Variants in PREX1 observed in about 807,000 individuals in gnomAD.
PREX1 encodes the protein phosphatidylinositol 3,4,5-trisphosphate-dependent Rac exchanger 1 protein.
A neutral mutation model predicts 198.3 loss-of-function variants in PREX1; 41 were observed. The ratio of observed to expected loss-of-function variants is 0.21; its 90% CI spans 0.16 to 0.27. PREX1 has a LOEUF of 0.27. Among genes scored for constraint, PREX1 ranks in the 10% least tolerant of loss-of-function variants. The pLI is 1.00. For missense variants in PREX1, 1,620 were observed against 2,200.7 expected (o/e 0.74, Z 5.28); for synonymous variants, 843 against 887.2 (o/e 0.95, Z 0.89).
intron 7 of PREX1, among the ~76,000 whole-genome samples, chr20:48,693,711 G>A (rs548898626): frequency 6.6e-6 from 1 of 151,474 alleles, no homozygotes; most frequent in African/African-American, 2.4e-5. Flanking sequence ...GGTTACAAGC[G>A]ATTCTCCTGC....
At chr20:48,844,003 G>A in the PREX1 span, among the ~76,000 whole-genome samples, 6 of 151,960 alleles carry the variant, frequency 3.9e-5, no homozygotes, top group Admixed American at 2.6e-4. Context: ...AGCCAGGCAT[G>A]GTGGCATGCA....
At chr20:48,779,138 C>T (rs1007166122) in intron 1 of PREX1, among the ~76,000 whole-genome samples, 19 of 151,918 alleles carry the variant, frequency 1.3e-4, no homozygotes, top group Non-Finnish European at 2.8e-4. Context: ...AGAATACAAC[C>T]CTAAATTAAC....
intron 3 of PREX1, among the ~76,000 whole-genome samples, chr20:48,738,303 G>A (rs1474181354): frequency 6.6e-6 from 1 of 152,174 alleles, no homozygotes; most frequent in African/African-American, 2.4e-5. Flanking sequence ...GCTCACCACT[G>A]GTTTGTCATT....
the PREX1 span, among the ~76,000 whole-genome samples, chr20:48,853,722 T>TCAAAA: frequency 6.6e-6 from 1 of 152,076 alleles, no homozygotes; most frequent in Admixed American, 6.6e-5. Flanking sequence ...TTAAGGACAG[T>TCAAAA]CAATACAGTG....
intron 1 of PREX1, among the ~76,000 whole-genome samples, chr20:48,818,481 T>C (rs2090468279): frequency 6.6e-6 from 1 of 152,230 alleles, no homozygotes; most frequent in Non-Finnish European, 1.5e-5. Flanking sequence ...GATTAGGGTC[T>C]CACTGGATCC....
chr20:48,632,249 G>C, intron 35 of PREX1, 28 bp downstream of exon 35: 1 of 1,605,868 alleles, frequency 6.2e-7, no homozygotes, highest in African/African-American at 1.3e-5. Context: ...CCTGACTCCT[G>C]CCCCCAACGG....
At chr20:48,706,304 C>A (rs2089902374) in intron 6 of PREX1, among the ~76,000 whole-genome samples, 1 of 152,194 alleles carries the variant, frequency 6.6e-6, no homozygotes. Context: ...CAACTGAGTG[C>A]CAGGAAACTC....
chr20:48,696,880 G>T (rs1361075549), intron 7 of PREX1, among the ~76,000 whole-genome samples: 1 of 151,904 alleles, frequency 6.6e-6, no homozygotes, highest in Non-Finnish European at 1.5e-5. Context: ...CCTAGGATCA[G>T]AACGACACTA....
At position 48,642,360 on chromosome 20, in the gene PREX1, G is replaced by A. The variant is rs770833347; in HGVS notation, c.3684+47C>T. The A allele has an allele frequency of 3.6e-5, 57 of 1,604,602 alleles. 1 individual carries two copies. In the South Asian group the frequency reaches 5.9e-4, roughly 17 times the overall value. ...CGGGTCATGGGCCCTCCCCAGGTGT[G>A]ACAGGAGGAACCCAAAGTTGCGCCA... is the stretch of plus-strand genomic sequence containing the variant. On this transcript the variant is annotated intron_variant, in intron 28 of 39. Transcript: ENST00000371941.
chr20:48,795,577 A>C (rs1260119614), intron 1 of PREX1, among the ~76,000 whole-genome samples: 1 of 152,118 alleles, frequency 6.6e-6, no homozygotes, highest in Non-Finnish European at 1.5e-5. Flanking sequence ...CCCAAATGTC[A>C]CTAGAGCTGA....
At chr20:48,849,273 A>G in the PREX1 span, among the ~76,000 whole-genome samples, 1 of 152,336 alleles carries the variant, frequency 6.6e-6, no homozygotes, top group South Asian at 2.1e-4. Flanking sequence ...ATGTGTGATT[A>G]TATATGTGTC....
chr20:48,817,298 G>C (rs530369108), intron 1 of PREX1, among the ~76,000 whole-genome samples: 2 of 152,296 alleles, frequency 1.3e-5, no homozygotes, highest in Admixed American at 6.5e-5. Flanking sequence ...CCAATGTCCA[G>C]GGCAAGGGAC....
At chr20:48,671,084 C>T (rs991313886) in intron 14 of PREX1, among the ~76,000 whole-genome samples, 2 of 152,168 alleles carry the variant, frequency 1.3e-5, no homozygotes, top group South Asian at 2.1e-4. Context: ...AGCCACCTCC[C>T]GAAGTCAGAA....
intron 1 of PREX1, among the ~76,000 whole-genome samples, chr20:48,798,370 T>C (rs1386461838): frequency 6.6e-6 from 1 of 152,150 alleles, no homozygotes; most frequent in Non-Finnish European, 1.5e-5. Context: ...CCAGCCTCCA[T>C]ACCCACACCT....
chr20:48,749,444 C>T (rs936572894), intron 1 of PREX1, among the ~76,000 whole-genome samples: 1 of 152,184 alleles, frequency 6.6e-6, no homozygotes, highest in Non-Finnish European at 1.5e-5. Context: ...CATCCCACCA[C>T]GCTTGTCTAG....
At chr20:48,829,244 A>G (rs1425823179), upstream of PREX1, among the ~76,000 whole-genome samples, 2 of 152,230 alleles carry the variant, frequency 1.3e-5, no homozygotes, top group African/African-American at 2.4e-5. Context: ...CCACTCTCAA[A>G]TGGCCCATAC....
chr20:48,845,823 A>G, the PREX1 span, among the ~76,000 whole-genome samples: 2 of 152,126 alleles, frequency 1.3e-5, no homozygotes, highest in Non-Finnish European at 2.9e-5. Context: ...GGTAATGTGG[A>G]GACAGGCAGA....
At chr20:48,830,894 C>T (rs1032493742), upstream of PREX1, among the ~76,000 whole-genome samples, 2 of 152,170 alleles carry the variant, frequency 1.3e-5, no homozygotes, top group South Asian at 4.1e-4. Context: ...TTTTACAATG[C>T]GTGGATTGAG....
chr20:48,718,631 T>C (rs1336052308), intron 5 of PREX1, among the ~76,000 whole-genome samples: 1 of 151,994 alleles, frequency 6.6e-6, no homozygotes, highest in East Asian at 1.9e-4. Context: ...TCTATGGAGT[T>C]AACAAAAAAA....
Sources: allele counts gnomAD v4.1 joint callset (sites outside exome capture counted in the v4.1 genomes callset), GRCh38; gene constraint gnomAD v4.1.1; transcripts MANE v1.5; gene names NCBI Gene and HGNC (gene_info 2026-07-23, HGNC 2026-07-21).